MPV17: variants seen among roughly 807,000 people sequenced by gnomAD.
MPV17 encodes mitochondrial inner membrane protein MPV17.
A neutral mutation model predicts 28.6 loss-of-function variants in MPV17; 31 were observed. The ratio of observed to expected loss-of-function variants is 1.08; its 90% confidence interval spans 0.81 to 1.46. MPV17 has a LOEUF of 1.46. MPV17 is among the 40% of genes most tolerant of loss of function. The pLI, the probability that MPV17 is intolerant of heterozygous loss-of-function variation, is 0.00. For synonymous variants in MPV17, 87 were observed against 85.3 expected (o/e 1.02, Z -0.11); for missense variants, 198 against 216.2 (o/e 0.92, Z 0.53).
chr2:27,311,436 C>G, intron 7 of MPV17: 1 of 728,322 alleles, frequency 1.4e-6, no homozygotes, highest in Non-Finnish European at 2.2e-6. Flanking sequence ...ATATTTTCCC[C>G]TGTTCCCACG....
At chr2:27,313,874 G>A (rs1360252814) in intron 2 of MPV17, among the ~76,000 whole-genome samples, 6 of 152,084 alleles carry the variant, frequency 3.9e-5, no homozygotes, top group African/African-American at 1.4e-4. Context: ...ACCATGCCTG[G>A]CTATTTTTTG....
At chr2:27,314,895 G>A (rs1168934025) in intron 2 of MPV17, among the ~76,000 whole-genome samples, 1 of 152,222 alleles carries the variant, frequency 6.6e-6, no homozygotes, top group African/African-American at 2.4e-5. Context: ...CCTCTGCCCG[G>A]CCGGCCCTGC....
At chr2:27,313,271 C>T (rs528135441) in intron 2 of MPV17, 162 bp from the exon 3 acceptor site, 6 of 1,480,322 alleles carry the variant, frequency 4.1e-6, no homozygotes, top group African/African-American at 2.8e-5. Context: ...CCTCAAAGCC[C>T]TCACCTCCCC....
At chr2:27,313,237 C>T in intron 2 of MPV17, 128 bp from the exon 3 acceptor site, 1 of 1,553,406 alleles carries the variant, frequency 6.4e-7, no homozygotes, top group Non-Finnish European at 8.7e-7. Flanking sequence ...ATTGTGGAAA[C>T]AAATGACTAG....
intron 2 of MPV17, among the ~76,000 whole-genome samples, chr2:27,313,571 C>G (rs1340606771): frequency 6.6e-6 from 1 of 152,240 alleles, no homozygotes; most frequent in Non-Finnish European, 1.5e-5. Flanking sequence ...TTCCTAGACA[C>G]TGTTCTTTCC....
intron 2 of MPV17, chr2:27,313,325 G>A (rs1679532049): frequency 1.8e-6 from 2 of 1,089,414 alleles, no homozygotes; most frequent in African/African-American, 3.1e-5. Flanking sequence ...AAACTGGGAT[G>A]AGCAGACCCA....
rs957850339 is a variant in MPV17 at position 27,311,901 on chromosome 2, G to C, written c.459C>G (p.Tyr153Ter). Residue 153 changes from tyrosine (Y) to a stop codon, truncating the protein, a stop_gained and splice_region_variant, in exon 7 of 8, where the codon TAC becomes TAG. Coordinates refer to ENST00000380044, the MANE Select transcript of MPV17 (RefSeq NM_002437.5). LOFTEE classifies it high-confidence loss of function. ...GGTGGGGTAGGGGTGCAACATACCT[G>C]TAATGAAGGGGGACCAGGTAGAAGT... ...LANFYLVPLH[Y>*]RLAVVQCVAV... 5.0e-6 allele frequency: 8 copies of C among 1,613,636 alleles called. No homozygotes were observed. The highest frequency in any genetic ancestry group is 5.1e-6 in the Non-Finnish European group (6 of 1,179,956).
chr2:27,314,952 G>C lies in MPV17; in HGVS notation c.71-1843C>G, dbSNP rs184443602. On this transcript the variant is annotated intron_variant, in intron 2 of 7. Coordinates refer to ENST00000380044, the MANE Select transcript of MPV17 (RefSeq NM_002437.5). ...GCAGCTGGGTATGGCTGAGAGCTGGGGTTGGGGATGGAAACCCGTGGCTCA... is the reference window on the plus strand; with the variant it reads ...GCAGCTGGGTATGGCTGAGAGCTGGCGTTGGGGATGGAAACCCGTGGCTCA... Among the ~76,000 whole-genome samples the C allele has an allele frequency of 7.7e-3, 1,167 of 152,344 alleles. 3 individuals carry two copies. The highest frequency in any genetic ancestry group is 0.012 in the Non-Finnish European group (801 of 68,040).
chr2:27,316,039 C>G (rs1471734935), intron 2 of MPV17: 1 of 1,549,020 alleles, frequency 6.5e-7, no homozygotes, highest in Non-Finnish European at 8.7e-7. Context: ...TGCTCCCCTG[C>G]TGGGTGTTCC....
At chr2:27,311,583 A>G (rs1347028996) in intron 7 of MPV17, 2 of 1,550,126 alleles carry the variant, frequency 1.3e-6, no homozygotes, top group Non-Finnish European at 1.7e-6. Flanking sequence ...TGTCTAACCT[A>G]GGCTGCAGCA....
chr2:27,316,492 C>G (rs1042761204), intron 2 of MPV17, among the ~76,000 whole-genome samples: 2 of 152,116 alleles, frequency 1.3e-5, no homozygotes, highest in Non-Finnish European at 2.9e-5. Context: ...ATGATCAGGC[C>G]CCCTGTGCCT....
chr2:27,311,634 G>A (rs1558598201), intron 7 of MPV17: 1 of 1,550,664 alleles, frequency 6.4e-7, no homozygotes, highest in Admixed American at 2.0e-5. Flanking sequence ...CAAAGACGGA[G>A]CTCAGGTGGG....
rs1383819938 is a variant in MPV17, at chr2:27,309,948, C to T, written c.495G>A (p.Trp165Ter). The change falls in exon 8 of 8, where the codon TGG becomes TGA. Residue 165 changes from tryptophan to a stop codon, truncating the protein, a stop_gained. Transcript: ENST00000380044. LOFTEE classifies it high-confidence loss of function. ...GTGCCTTCCAGGACAGGTAGGAGTT[C>T]CAGATAACAGCAACACATTGGACAA... ...LAVVQCVAVI[W>*]NSYLSWKAHR... 1 of 1,613,978 alleles carries T rather than the reference C, an allele frequency of 6.2e-7. No homozygotes were observed. The highest frequency in any genetic ancestry group is 8.5e-7 in the Non-Finnish European group (1 of 1,179,954).
chr2:27,311,356 C>T, intron 7 of MPV17: 1 of 540,740 alleles, frequency 1.8e-6, no homozygotes, highest in Non-Finnish European at 3.3e-6. Flanking sequence ...CCACCGTGCC[C>T]AGCCAGTCTG....
intron 2 of MPV17, among the ~76,000 whole-genome samples, chr2:27,315,268 C>T (rs771455956): frequency 5.9e-5 from 9 of 152,208 alleles, no homozygotes; most frequent in Admixed American, 1.3e-4. Context: ...AGGTCCAAGT[C>T]GGGTAGAAGG....
At chr2:27,316,929 A>C (rs1679675692) in intron 2 of MPV17, 1 of 721,616 alleles carries the variant, frequency 1.4e-6, no homozygotes, top group East Asian at 2.8e-5. Context: ...GAACAGATCC[A>C]GCGGCCAGGG....
chr2:27,310,026 G>C, intron 7 of MPV17, 45 bp from the exon 8 acceptor site: 1 of 1,455,968 alleles, frequency 6.9e-7, no homozygotes, highest in Non-Finnish European at 9.6e-7. Flanking sequence ...AGGCTAAGCA[G>C]TGAGCAAGGG....
Position 27,311,939 on chromosome 2 carries a change from C to T in MPV17, c.421G>A (p.Val141Met). Residue 141 changes from valine (V) to methionine (M), a missense_variant, in exon 7 of 8, where the codon GTG (valine) becomes ATG (methionine). By Grantham distance (21) the Val-to-Met change is conservative. Coordinates refer to ENST00000380044, the MANE Select transcript of MPV17 (RefSeq NM_002437.5). ...ACCAGGTAGAAGTTGGCTAACTGCA[C>T]AGCAGGCCATAGCTGCAAGAGAAAA... ...LITNYYLWPA[V>M]QLANFYLVPL... The T allele has an allele frequency of 6.2e-7, 1 of 1,613,710 alleles. No homozygotes were observed. Among genetic ancestry groups the T allele is most frequent in the Non-Finnish European group, 8.5e-7 (1 of 1,179,972 alleles).
At chr2:27,314,886 C>A (rs1679592681) in intron 2 of MPV17, among the ~76,000 whole-genome samples, 1 of 152,276 alleles carries the variant, frequency 6.6e-6, no homozygotes, top group Non-Finnish European at 1.5e-5. Flanking sequence ...CCTCCACACC[C>A]TCTGCCCGGC....
Sources: allele counts gnomAD v4.1 joint callset (sites outside exome capture counted in the v4.1 genomes callset), GRCh38; gene constraint gnomAD v4.1.1; transcripts MANE v1.5; gene names NCBI Gene and HGNC (gene_info 2026-07-23, HGNC 2026-07-21).